The following MCPH1 variants were observed in gnomAD, a reference collection of about 807,000 sequenced individuals.
MCPH1 encodes the protein microcephalin.
MCPH1 carries 104 observed loss-of-function variants against 84.5 expected under a neutral mutation model. The observed-to-expected ratio is 1.23, with a 90% CI of 1.05 to 1.45. The LOEUF (loss-of-function observed/expected upper bound fraction) is 1.45, where lower values mean the gene tolerates loss of function less well. MCPH1 is among the 40% of genes most tolerant of loss of function. The pLI, the probability that MCPH1 is intolerant of heterozygous loss-of-function variation, is 0.00. For synonymous variants in MCPH1, 514 were observed against 366.8 expected, an observed-to-expected ratio of 1.40 and a Z score of -4.58; for missense variants, 1,498 against 1,005.7, an observed-to-expected ratio of 1.49 and a Z score of -6.62.
chr8:6,492,738 TTAA>T (rs1045924931), intron 11 of MCPH1, among the ~76,000 whole-genome samples: 99 of 27,296 alleles, frequency 3.6e-3, no homozygotes, highest in Admixed American at 0.036. Flanking sequence ...CAAATAAATA[TTAA>T]TAATAATTAT....
At chr8:6,460,175 G>T (rs757389807) in intron 9 of MCPH1, among the ~76,000 whole-genome samples, 1 of 151,884 alleles carries the variant, frequency 6.6e-6, no homozygotes, top group Non-Finnish European at 1.5e-5. Flanking sequence ...ACGCAATCTC[G>T]TGTGCTATCC....
At chr8:6,413,454 A>G (rs1798817298) in intron 2 of MCPH1, among the ~76,000 whole-genome samples, 1 of 147,616 alleles carries the variant, frequency 6.8e-6, no homozygotes, top group Admixed American at 6.8e-5. Context: ...AGTTTGAGAA[A>G]CTTTTCTTTG....
chr8:6,530,585 T>C (rs1263818212), intron 12 of MCPH1, among the ~76,000 whole-genome samples: 2 of 151,562 alleles, frequency 1.3e-5, no homozygotes, highest in East Asian at 3.9e-4. Flanking sequence ...TCGCTTTAGA[T>C]ATATATTGAT....
At position 6,422,934 on chromosome 8, in the gene MCPH1, C is replaced by T. The variant is rs529332162; in HGVS notation, c.233+8051C>T. On this transcript the variant is annotated intron_variant, in intron 3 of 13. Transcript: ENST00000344683. ...CGATCTCCTGACCTTGTGATCCGCC[C>T]TCCTCGGTCTCCCAAAGTGCTAGGA... is the stretch of plus-strand genomic sequence containing the variant. Among the ~76,000 whole-genome samples, 4 of 151,880 alleles carry T rather than the reference C, an allele frequency of 2.6e-5. No individual in the cohort carries two copies. In the South Asian group the frequency reaches 6.2e-4, roughly 24 times the overall value.
At chr8:6,528,880 T>A (rs1818904608) in intron 12 of MCPH1, among the ~76,000 whole-genome samples, 1 of 152,240 alleles carries the variant, frequency 6.6e-6, no homozygotes, top group African/African-American at 2.4e-5. Context: ...TTAGTTCTTA[T>A]CACAAAAAGT....
intron 12 of MCPH1, among the ~76,000 whole-genome samples, chr8:6,520,714 G>C (rs1817162852): frequency 6.6e-6 from 1 of 152,134 alleles, no homozygotes; most frequent in African/African-American, 2.4e-5. Context: ...CAATATATAA[G>C]AGACGCTGCA....
intron 11 of MCPH1, among the ~76,000 whole-genome samples, chr8:6,496,299 A>C (rs143713582): frequency 2.0e-5 from 3 of 152,138 alleles, no homozygotes; most frequent in East Asian, 1.9e-4. Flanking sequence ...ATGTAATGCC[A>C]CTGCTGATCT....
In MCPH1 at chr8:6,528,202, T is replaced by C. The variant is rs1437230797; in HGVS notation, c.2214+28273T>C. Among the ~76,000 whole-genome samples the C allele has an allele frequency of 2.6e-5, 4 of 152,244 alleles. No individual in the cohort carries two copies. The East Asian group carries it at 5.8e-4, about 22-fold the overall frequency. ...CATTAGCCACTGCACCCGGCCGTTA[T>C]GTCTCTATCTTGGAAAGTGGTTAGT... On this transcript the variant is annotated intron_variant, in intron 12 of 13. Coordinates refer to ENST00000344683, the MANE Select transcript of MCPH1 (RefSeq NM_024596.5).
intron 6 of MCPH1, among the ~76,000 whole-genome samples, chr8:6,441,710 T>C (rs948846894): frequency 5.3e-5 from 8 of 152,180 alleles, no homozygotes; most frequent in African/African-American, 1.4e-4. Flanking sequence ...TACCTACTGC[T>C]CTCCCTCACT....
At chr8:6,442,191 A>G in intron 7 of MCPH1, 35 bp downstream of exon 7, 1 of 1,292,630 alleles carries the variant, frequency 7.7e-7, no homozygotes, top group South Asian at 1.2e-5. Flanking sequence ...TGATATGTTT[A>G]AGTTTTGAGA....
In MCPH1 at chr8:6,505,365, AT is replaced by A. The variant is rs1813276070; in HGVS notation, c.2214+5437del. ...ATATATATATTCTTTCTATATGTAT[AT>A]AGAATATATATATTCTTTCTATATG... On this transcript the variant is annotated intron_variant, in intron 12 of 13. Coordinates refer to ENST00000344683, the MANE Select transcript of MCPH1 (RefSeq NM_024596.5). Among the ~76,000 whole-genome samples the A allele has an allele frequency of 2.5e-5, 2 of 79,968 alleles. 1 individual carries two copies. The highest frequency in any genetic ancestry group is 1.1e-4 in the African/African-American group (2 of 18,442). The allele number at this position is 79,968 out of a possible 152,430, so 52.5% of individuals were successfully genotyped here. A position where few individuals can be genotyped will look rare whatever the true frequency, so the allele number is the denominator to read the frequency against.
At chr8:6,482,904 G>A (rs1809416245) in intron 11 of MCPH1, among the ~76,000 whole-genome samples, 1 of 152,198 alleles carries the variant, frequency 6.6e-6, no homozygotes, top group African/African-American at 2.4e-5. Context: ...ACACATAAGT[G>A]AATGAATGAG....
chr8:6,634,596 A>C (rs1414128119), intron 13 of MCPH1, among the ~76,000 whole-genome samples: 6 of 152,262 alleles, frequency 3.9e-5, no homozygotes, highest in Admixed American at 3.3e-4. Context: ...ATTTCTTACC[A>C]GTCCATTATT....
intron 2 of MCPH1, among the ~76,000 whole-genome samples, chr8:6,410,599 T>C (rs2129550965): frequency 6.6e-6 from 1 of 152,334 alleles, no homozygotes; most frequent in South Asian, 2.1e-4. Context: ...CAAATAGGTA[T>C]CTTTTGCCCA....
At chr8:6,457,360 G>C (rs540065334) in intron 9 of MCPH1, among the ~76,000 whole-genome samples, 1 of 151,710 alleles carries the variant, frequency 6.6e-6, no homozygotes, top group South Asian at 2.1e-4. Context: ...TGGGGCGGGC[G>C]GATCACTTGA....
In MCPH1 at chr8:6,543,390, C is replaced by G. The variant is rs114663778; in HGVS notation, c.2214+43461C>G. ...GTCTCCTGCCTGGACACCCTTCTCT[C>G]TGTGCTTTCCTGGGTTAGAGTAAAT... On this transcript the variant is annotated intron_variant, in intron 12 of 13. Coordinates refer to ENST00000344683, the MANE Select transcript of MCPH1 (RefSeq NM_024596.5). Among the ~76,000 whole-genome samples, 857 of 152,276 alleles carry G rather than the reference C, an allele frequency of 5.6e-3. 9 individuals are homozygous for G. The highest frequency in any genetic ancestry group is 0.02 in the African/African-American group (834 of 41,558).
chr8:6,450,220 T>A (rs543072191), intron 8 of MCPH1, among the ~76,000 whole-genome samples: 4 of 152,292 alleles, frequency 2.6e-5, no homozygotes, highest in African/African-American at 9.6e-5. Flanking sequence ...ATCTACCAGA[T>A]CTTGTTGAAG....
chr8:6,545,297 T>TATCA (rs1320017703), intron 12 of MCPH1, among the ~76,000 whole-genome samples: 1 of 152,224 alleles, frequency 6.6e-6, no homozygotes, highest in Non-Finnish European at 1.5e-5. Context: ...TTTTAAAAGT[T>TATCA]ATCAAGCTGT....
At chr8:6,479,381 G>C (rs992666557) in intron 10 of MCPH1, among the ~76,000 whole-genome samples, 1 of 151,766 alleles carries the variant, frequency 6.6e-6, no homozygotes, top group African/African-American at 2.4e-5. Context: ...TTTTGGAGAG[G>C]AGAGATGTTT....
Sources: gnomAD v4.1 joint callset for allele counts (sites outside exome capture counted in the v4.1 genomes callset) on GRCh38, gnomAD v4.1.1 for gene constraint, MANE v1.5 for transcripts, NCBI Gene and HGNC (gene_info 2026-07-23, HGNC 2026-07-21) for gene names.